S100Z: variants seen among roughly 807,000 people sequenced by gnomAD.
S100Z encodes protein S100-Z.
A neutral mutation model predicts 8.5 loss-of-function variants in S100Z; 11 were observed. The observed-to-expected ratio is 1.30, with a 90% CI of 0.82 to 2.15. The LOEUF is 2.15. Among genes scored for constraint, S100Z ranks in the 30% most tolerant of loss-of-function variants. The pLI is 0.00. For synonymous variants in S100Z, 34 were observed against 43.8 expected (o/e 0.78, Z 0.89); for missense variants, 126 against 117.9 (o/e 1.07, Z -0.32).
At chr5:76,879,949 C>A (rs1743336198) in intron 4 of S100Z, among the ~76,000 whole-genome samples, 1 of 152,158 alleles carries the variant, frequency 6.6e-6, no homozygotes, top group Non-Finnish European at 1.5e-5. Flanking sequence ...TTTGTGTGAA[C>A]AACATGGCTG....
chr5:76,852,689 T>C (rs1445727683), intron 1 of S100Z, among the ~76,000 whole-genome samples: 1 of 152,194 alleles, frequency 6.6e-6, no homozygotes, highest in African/African-American at 2.4e-5. Context: ...CACTCCAGCC[T>C]GGGTGACAGA....
intron 4 of S100Z, chr5:76,878,168 T>C (rs1366330842): frequency 6.1e-6 from 1 of 164,186 alleles, no homozygotes; most frequent in Non-Finnish European, 1.3e-5. Context: ...TGGACATTCA[T>C]ATCCTTAAAT....
At chr5:76,857,206 C>T (rs61680824) in intron 1 of S100Z, among the ~76,000 whole-genome samples, 5 of 152,114 alleles carry the variant, frequency 3.3e-5, no homozygotes, top group East Asian at 1.9e-4. Flanking sequence ...GCAGGAGAAT[C>T]GCTTGACCCT....
the S100Z span, among the ~76,000 whole-genome samples, chr5:76,941,389 C>T: frequency 6.6e-6 from 1 of 152,066 alleles, no homozygotes; most frequent in African/African-American, 2.4e-5. Context: ...GTGAATAAGT[C>T]TCATGAGACC....
intron 3 of S100Z, among the ~76,000 whole-genome samples, chr5:76,876,590 C>T (rs1161964956): frequency 1.3e-5 from 2 of 152,112 alleles, no homozygotes; most frequent in Non-Finnish European, 1.5e-5. Context: ...AGGCTGGTCT[C>T]GAACTCCTGA....
At chr5:76,851,752 C>CCTAGGTA (rs1297814347) in intron 1 of S100Z, among the ~76,000 whole-genome samples, 1 of 151,964 alleles carries the variant, frequency 6.6e-6, no homozygotes, top group Non-Finnish European at 1.5e-5. Flanking sequence ...TCTCCTGGGT[C>CCTAGGTA]CTAGGTAGGA....
chr5:76,908,107 G>C (rs1199586732), intron 4 of S100Z, among the ~76,000 whole-genome samples: 1 of 152,142 alleles, frequency 6.6e-6, no homozygotes, highest in African/African-American at 2.4e-5. Context: ...ACTCCAGCCT[G>C]GGCAACAGAG....
At chr5:76,923,859 C>A (rs929041124), downstream of S100Z, among the ~76,000 whole-genome samples, 17 of 152,142 alleles carry the variant, frequency 1.1e-4, no homozygotes, top group African/African-American at 4.1e-4. Context: ...AAATGACACT[C>A]CAAAATATGG....
chr5:76,911,043 C>T (rs1580060738), intron 4 of S100Z, among the ~76,000 whole-genome samples: 2 of 152,150 alleles, frequency 1.3e-5, no homozygotes, highest in Admixed American at 1.3e-4. Flanking sequence ...ATTTGTTGTC[C>T]TCTACTTGAG....
At chr5:76,907,579 A>C (rs2150676788) in intron 4 of S100Z, among the ~76,000 whole-genome samples, 1 of 152,360 alleles carries the variant, frequency 6.6e-6, no homozygotes, top group Non-Finnish European at 1.5e-5. Context: ...CTGGGATTAC[A>C]GGCATGAGCC....
intron 1 of S100Z, among the ~76,000 whole-genome samples, chr5:76,866,859 C>G (rs1419181435): frequency 6.6e-6 from 1 of 152,152 alleles, no homozygotes; most frequent in African/African-American, 2.4e-5. Flanking sequence ...TTTCATTTTC[C>G]CTCTTTAGGT....
intron 4 of S100Z, among the ~76,000 whole-genome samples, chr5:76,914,227 A>T (rs1744775265): frequency 6.6e-6 from 1 of 151,994 alleles, no homozygotes; most frequent in African/African-American, 2.4e-5. Flanking sequence ...AATTCCCAAC[A>T]GCAGTTGGGG....
chr5:76,875,038 G>GC (rs1276944240), intron 2 of S100Z, among the ~76,000 whole-genome samples: 1 of 152,072 alleles, frequency 6.6e-6, no homozygotes, highest in African/African-American at 2.4e-5. Context: ...ACAGGCGCCC[G>GC]CCGCCGCGCC....
At chr5:76,918,165 A>G (rs1744912917) in intron 4 of S100Z, among the ~76,000 whole-genome samples, 1 of 152,112 alleles carries the variant, frequency 6.6e-6, no homozygotes, top group African/African-American at 2.4e-5. Context: ...ACATTTACTA[A>G]CATTAGATAT....
At chr5:76,898,837 C>T (rs1744130295) in intron 4 of S100Z, among the ~76,000 whole-genome samples, 1 of 150,230 alleles carries the variant, frequency 6.7e-6, no homozygotes, top group African/African-American at 2.5e-5. Flanking sequence ...GTTTCCTCCT[C>T]TATTTTTTGG....
chr5:76,949,152 G>A, the S100Z span, among the ~76,000 whole-genome samples: 2 of 152,170 alleles, frequency 1.3e-5, no homozygotes, highest in African/African-American at 2.4e-5. Context: ...ACTTTGGGAG[G>A]CCAACGTGGG....
intron 4 of S100Z, among the ~76,000 whole-genome samples, 160 bp from the exon 5 acceptor site, chr5:76,920,557 G>T (rs1003899695): frequency 6.6e-6 from 1 of 152,170 alleles, no homozygotes; most frequent in Non-Finnish European, 1.5e-5. Context: ...GTAATGGAGC[G>T]CTCCTCACTC....
chr5:76,871,534 T>C (rs1307971306), intron 2 of S100Z, among the ~76,000 whole-genome samples: 1 of 151,186 alleles, frequency 6.6e-6, no homozygotes, highest in African/African-American at 2.4e-5. Flanking sequence ...TTTTTTTTTT[T>C]TTTTTTTAGA....
At chr5:76,952,102 T>C in the S100Z span, among the ~76,000 whole-genome samples, 1 of 152,198 alleles carries the variant, frequency 6.6e-6, no homozygotes, top group Admixed American at 6.5e-5. Flanking sequence ...AAAGAAGAAA[T>C]TCTCTTCTCT....
Sources: allele counts gnomAD v4.1 joint callset (sites outside exome capture counted in the v4.1 genomes callset), GRCh38; gene constraint gnomAD v4.1.1; transcripts MANE v1.5; gene names NCBI Gene and HGNC (gene_info 2026-07-23, HGNC 2026-07-21).